Variants in CHD4 observed in about 807,000 individuals in gnomAD.
The protein encoded by CHD4 is ATP-dependent chromatin remodeler CHD4.
Under a neutral mutation model 235.5 loss-of-function variants are expected in CHD4, and 35 were observed. The ratio of observed to expected loss-of-function variants is 0.15; its 90% CI spans 0.11 to 0.20. The LOEUF (loss-of-function observed/expected upper bound fraction) is 0.20. CHD4 is among the 10% of genes least tolerant of loss of function. The pLI, the probability that CHD4 is intolerant of heterozygous loss-of-function variation, is 1.00. For synonymous variants in CHD4, 900 were observed against 850.2 expected (o/e 1.06, Z -1.02); for missense variants, 1,329 against 2,432.3 (o/e 0.55, Z 9.54).
chr12:6,604,521 A>G (rs1467220996), intron 2 of CHD4, among the ~76,000 whole-genome samples: 1 of 152,000 alleles, frequency 6.6e-6, no homozygotes, highest in Non-Finnish European at 1.5e-5. Flanking sequence ...ATTTCACCAG[A>G]AAGAATCATT....
chr12:6,578,709 A>C (rs1222186971), intron 34 of CHD4, 137 bp downstream of exon 34: 1 of 1,353,692 alleles, frequency 7.4e-7, no homozygotes, highest in South Asian at 1.2e-5. Flanking sequence ...CTGACAACTA[A>C]ATGTGGGGAC....
chr12:6,588,275 G>T (rs375724369), intron 23 of CHD4, 23 bp downstream of exon 23: 26 of 1,611,462 alleles, frequency 1.6e-5, no homozygotes, highest in Non-Finnish European at 2.1e-5. Context: ...TACTTATTAA[G>T]GCTGCCTGCT....
intron 23 of CHD4, 147 bp from the exon 24 acceptor site, chr12:6,588,096 G>C (rs1948329687): frequency 9.0e-7 from 1 of 1,107,668 alleles, no homozygotes; most frequent in African/African-American, 1.6e-5. Context: ...CCTGCCTCCA[G>C]ACACCACCCT....
chr12:6,580,824 T>A, intron 33 of CHD4: 1 of 527,786 alleles, frequency 1.9e-6, no homozygotes, highest in Non-Finnish European at 3.3e-6. Flanking sequence ...CTGGCCAACA[T>A]GGTGAAACCC....
At chr12:6,580,716 A>AAAAAACAACAAC (rs1457844598) in intron 33 of CHD4, 1 of 226,962 alleles carries the variant, frequency 4.4e-6, no homozygotes, top group South Asian at 1.7e-4. Flanking sequence ...AAAAAAAAAA[A>AAAAAACAACAAC]AAAAAAAAAA....
chr12:6,573,441 T>C, intron 37 of CHD4, 172 bp from the exon 38 acceptor site: 1 of 432,376 alleles, frequency 2.3e-6, no homozygotes, highest in Non-Finnish European at 3.9e-6. Context: ...TTGTAACTTT[T>C]TTCTTTCCCT....
In CHD4 at chr12:6,595,392, T is replaced by C. The variant is rs748735931; in HGVS notation, c.2063A>G (p.Lys688Arg). The C allele has an allele frequency of 6.2e-7, 1 of 1,614,142 alleles. No homozygotes were observed. The highest frequency in any genetic ancestry group is 1.7e-5 in the Admixed American group (1 of 60,016). Residue 688 changes from lysine to arginine, a missense_variant, in exon 14 of 40, where the codon AAG (lysine) becomes AGG (arginine). Coordinates refer to ENST00000544040, the MANE Select transcript of CHD4 (RefSeq NM_001273.5). ...CTTCCGAAGCTTCACCTTCTTGAGC[T>C]TCTTGCCTGGTCGGCCTTCCTCACC... ...MRGEEGRPGKKLKKVKLRKLE... is the reference protein window; with the variant it reads ...MRGEEGRPGKRLKKVKLRKLE...
intron 14 of CHD4, 101 bp from the exon 15 acceptor site, chr12:6,594,751 G>C (rs1948456651): frequency 9.1e-7 from 1 of 1,096,762 alleles, no homozygotes; most frequent in Non-Finnish European, 1.3e-6. Flanking sequence ...GATCCTCTTG[G>C]GGAAGAGCTC....
At chr12:6,599,642 G>T in intron 10 of CHD4, 131 bp downstream of exon 10, 1 of 1,130,890 alleles carries the variant, frequency 8.8e-7, no homozygotes, top group Non-Finnish European at 1.3e-6. Flanking sequence ...CAACACTATA[G>T]GATGAAGGAG....
intron 22 of CHD4, among the ~76,000 whole-genome samples, chr12:6,590,497 TAAAATA>T (rs954028138): frequency 1.6e-4 from 24 of 152,148 alleles, no homozygotes; most frequent in Admixed American, 3.3e-4. Flanking sequence ...AGTCTAAAAT[TAAAATA>T]AAAAGTTTTT....
At position 6,583,269 on chromosome 12, in the gene CHD4, G is replaced by A; in HGVS notation, c.3989C>T (p.Ala1330Val). The change falls in exon 26 of 40, where the codon GCC becomes GTC. Residue 1330 changes from alanine (A) to valine (V), a missense_variant. Ala to Val is a moderately conservative substitution (Grantham distance 64). Around this residue, in one of 26 missense-constraint regions of CHD4, gnomAD observed 8 missense variants for 56.7 expected, o/e 0.14. Transcript: ENST00000544040. ...TCTTTTTCCTTTGCCCAGATTTCGG[G>A]CTAGATCTTCTTGCTGCTGCTCATA... ...HHYEQQQEDL[A>V]RNLGKGKRIR... 1 of 1,614,172 alleles carries A rather than the reference G, an allele frequency of 6.2e-7. No individual in the cohort carries two copies. Among genetic ancestry groups the A allele is most frequent in the Non-Finnish European group, 8.5e-7 (1 of 1,180,036 alleles).
chr12:6,595,519 C>CCCAGCATTTTGGGAGG lies in CHD4; in HGVS notation c.2025-105_2025-90dup, dbSNP rs1345163872. 4 of 1,156,820 alleles carry CCCAGCATTTTGGGAGG rather than the reference C, an allele frequency of 3.5e-6. No individual in the cohort carries two copies. The African/African-American group carries it at 6.1e-5, about 18-fold the overall frequency. 71.7% of individuals were successfully genotyped at this position (1,156,820 alleles called of 1,614,324 possible). A position where few individuals can be genotyped will look rare whatever the true frequency, so the allele number is the denominator to read the frequency against. The stretch of plus-strand genomic sequence containing the variant: ...AGGCACAGTGGCTCACACCTGTAAT[C>CCCAGCATTTTGGGAGG]CCAGCATTTTGGGAGGCCAGCACTT... On this transcript the variant is annotated intron_variant, in intron 13 of 39. Coordinates refer to ENST00000544040, the MANE Select transcript of CHD4 (RefSeq NM_001273.5).
intron 33 of CHD4, chr12:6,580,704 GAAAAAAAA>G (rs57266458): frequency 1.4e-4 from 6 of 43,454 alleles, no homozygotes; most frequent in East Asian, 4.9e-4. Context: ...AAACTCCTTT[GAAAAAAAA>G]AAAAAAAAAA....
At chr12:6,598,468 G>A (rs776134270) in intron 10 of CHD4, 43 bp from the exon 11 acceptor site, 49 of 1,466,282 alleles carry the variant, frequency 3.3e-5, no homozygotes, top group Non-Finnish European at 3.7e-5. Flanking sequence ...CATAACCATG[G>A]GAGGAGAAGG....
chr12:6,600,080 C>T, intron 9 of CHD4, 68 bp from the exon 10 acceptor site: 1 of 1,588,180 alleles, frequency 6.3e-7, no homozygotes, highest in Non-Finnish European at 8.6e-7. Flanking sequence ...AGCCAGTGCC[C>T]ATCATTCCTT....
At chr12:6,582,510 GAAAAT>G in intron 29 of CHD4, 100 bp downstream of exon 29, 16 of 1,486,156 alleles carry the variant, frequency 1.1e-5, no homozygotes, top group Non-Finnish European at 1.4e-5. Flanking sequence ...CTTCAACAGA[GAAAAT>G]AGCCCACTTC....
At position 6,598,060 on chromosome 12, in the gene CHD4, G is replaced by T; in HGVS notation, c.1726C>A (p.Arg576=). ...GGTGGCTCATCCATATCATTCTTCC[G>T]CTGATAGTTTCGGAACATCACCTGA... ...HCQVMFRNYQ[R]KNDMDEPPSG... is the part of the protein sequence containing the mutation. The change falls in exon 12 of 40, where the codon CGG becomes AGG. Residue 576 remains arginine, a synonymous_variant. Transcript: ENST00000544040. The T allele has an allele frequency of 1.2e-6, 2 of 1,614,054 alleles. No homozygotes were observed. Among genetic ancestry groups the T allele is most frequent in the African/African-American group, 2.7e-5 (2 of 74,992 alleles).
At chr12:6,571,227 CTT>C (rs1947962728) in intron 38 of CHD4, 195 bp from the exon 39 acceptor site, 1 of 615,736 alleles carries the variant, frequency 1.6e-6, no homozygotes, top group South Asian at 2.2e-5. Flanking sequence ...TGATTTTGTG[CTT>C]TTTAAAGTCA....
intron 12 of CHD4, among the ~76,000 whole-genome samples, chr12:6,597,373 G>T (rs1460613322): frequency 6.6e-6 from 1 of 152,338 alleles, no homozygotes; most frequent in Non-Finnish European, 1.5e-5. Context: ...AGCTGAAGCA[G>T]ACAGATTGCT....
Sources: gnomAD v4.1 joint callset for allele counts (sites outside exome capture counted in the v4.1 genomes callset) on GRCh38, gnomAD v4.1.1 for gene constraint, gnomAD v4.1.1 regional missense constraint, MANE v1.5 for transcripts, NCBI Gene and HGNC (gene_info 2026-07-23, HGNC 2026-07-21) for gene names.